The following CSMD3 variants were observed in gnomAD, a reference collection of about 807,000 sequenced individuals.
The protein encoded by CSMD3 is CUB and sushi domain-containing protein 3.
In CSMD3, 177 loss-of-function variants were observed where a neutral mutation model predicts 435.2. The ratio of observed to expected loss-of-function variants is 0.41; its 90% CI spans 0.36 to 0.46. The LOEUF (loss-of-function observed/expected upper bound fraction) is 0.46. Ranked by LOEUF, CSMD3 falls within the 20% of genes least tolerant of loss-of-function variation. CSMD3 has a pLI of 0.34. For missense variants in CSMD3, 4,265 were observed against 4,504.6 expected (o/e 0.95, Z 1.52); for synonymous variants, 1,656 against 1,520.5 (o/e 1.09, Z -2.07).
intron 38 of CSMD3, among the ~76,000 whole-genome samples, chr8:112,358,803 T>C (rs976264110): frequency 6.6e-6 from 1 of 152,070 alleles, no homozygotes; most frequent in Non-Finnish European, 1.5e-5. Flanking sequence ...ACTAATACAA[T>C]TGCTATGCTG....
At chr8:113,086,370 C>A (rs961011615) in intron 5 of CSMD3, among the ~76,000 whole-genome samples, 1 of 151,918 alleles carries the variant, frequency 6.6e-6, no homozygotes, top group Non-Finnish European at 1.5e-5. Context: ...TAAACCATGA[C>A]GTTTTGTAAT....
At chr8:113,135,452 T>A (rs1167315630) in intron 4 of CSMD3, among the ~76,000 whole-genome samples, 4 of 151,796 alleles carry the variant, frequency 2.6e-5, no homozygotes, top group Non-Finnish European at 4.4e-5. Flanking sequence ...CTCCTACATA[T>A]GAGTTGACTG....
intron 3 of CSMD3, among the ~76,000 whole-genome samples, chr8:113,180,985 T>C (rs1287176761): frequency 1.3e-5 from 2 of 151,992 alleles, no homozygotes; most frequent in Non-Finnish European, 2.9e-5. Context: ...AGGTTCAGAG[T>C]TGCTAATCAA....
chr8:113,358,154 T>C (rs1242012397), intron 1 of CSMD3, among the ~76,000 whole-genome samples: 1 of 152,228 alleles, frequency 6.6e-6, no homozygotes, highest in African/African-American at 2.4e-5. Context: ...GGATATTATA[T>C]GCAAATAGCA....
At chr8:113,021,869 A>C (rs1248833833) in intron 5 of CSMD3, among the ~76,000 whole-genome samples, 1 of 152,152 alleles carries the variant, frequency 6.6e-6, no homozygotes. Flanking sequence ...GAAACTAAGA[A>C]GTATTCCTGA....
At position 112,223,281 on chromosome 8, in the gene CSMD3, G is replaced by A; in HGVS notation, c.*1490C>T. 2.7e-6 allele frequency: 1 copy of A among 374,804 alleles called. No homozygotes were observed. Among genetic ancestry groups the A allele is most frequent in the Non-Finnish European group, 4.8e-6 (1 of 210,228 alleles). The allele number at this position is 374,804 out of a possible 1,614,324, so 23.2% of individuals were successfully genotyped here. On this transcript the variant is annotated 3_prime_UTR_variant, in exon 71 of 71. Coordinates refer to ENST00000297405, the MANE Select transcript of CSMD3 (RefSeq NM_198123.2). ...GTGGTTTACAAGAAATTCATTAAAT[G>A]TTGTAGAGATAGAGCCAAGCAGCGC...
intron 17 of CSMD3, among the ~76,000 whole-genome samples, chr8:112,661,651 AT>A (rs1410394393): frequency 1.3e-5 from 2 of 152,158 alleles, no homozygotes; most frequent in Non-Finnish European, 2.9e-5. Context: ...CTTTGTGTTC[AT>A]AAAGCTTAAA....
intron 31 of CSMD3, among the ~76,000 whole-genome samples, chr8:112,489,040 A>G (rs1820420931): frequency 1.3e-5 from 2 of 152,282 alleles, no homozygotes; most frequent in African/African-American, 2.4e-5. Flanking sequence ...AAATTATCTT[A>G]AAAAAATAAA....
At chr8:112,465,420 C>T (rs73702885) in intron 32 of CSMD3, among the ~76,000 whole-genome samples, 4,132 of 152,170 alleles carry the variant, frequency 0.027, 94 homozygotes, top group African/African-American at 0.062. Flanking sequence ...AGCCTTACCT[C>T]GCTACCCATG....
chr8:112,739,395 G>A (rs2077254547), intron 13 of CSMD3, among the ~76,000 whole-genome samples: 1 of 151,678 alleles, frequency 6.6e-6, no homozygotes, highest in East Asian at 1.9e-4. Flanking sequence ...TCCTTATTAA[G>A]GCCATAAACC....
Position 113,069,263 on chromosome 8 carries a change from T to C in CSMD3, c.917+29493A>G, listed in dbSNP as rs545965193. Among the ~76,000 whole-genome samples, 15 of 152,218 alleles carry C rather than the reference T, an allele frequency of 9.9e-5. No homozygotes were observed. In the East Asian group the frequency reaches 2.9e-3, roughly 29 times the overall value. ...ATATGCCCACTCCATTCTATAGAAA[T>C]CCTTCTACAGTGAAGGAAACAAACA... On this transcript the variant is annotated intron_variant, in intron 5 of 70. Transcript: ENST00000297405.
At chr8:112,451,006 AT>A (rs1343549657) in intron 32 of CSMD3, among the ~76,000 whole-genome samples, 3 of 152,206 alleles carry the variant, frequency 2.0e-5, no homozygotes, top group African/African-American at 7.2e-5. Context: ...AATGTCTAGC[AT>A]TATAGAAATG....
intron 33 of CSMD3, among the ~76,000 whole-genome samples, chr8:112,408,698 A>G (rs1053594765): frequency 2.0e-5 from 3 of 151,912 alleles, no homozygotes; most frequent in African/African-American, 7.3e-5. Flanking sequence ...GTGATTAAAT[A>G]TATTATTTAC....
intron 32 of CSMD3, among the ~76,000 whole-genome samples, chr8:112,417,392 G>A (rs1812027220): frequency 1.3e-5 from 2 of 152,080 alleles, no homozygotes; most frequent in Non-Finnish European, 2.9e-5. Context: ...ATTAATACTT[G>A]TAAAACATTT....
At chr8:112,713,121 A>G (rs570691615) in intron 13 of CSMD3, among the ~76,000 whole-genome samples, 4 of 152,150 alleles carry the variant, frequency 2.6e-5, no homozygotes, top group African/African-American at 9.6e-5. Context: ...AGTGTGGTGC[A>G]GCAGCCCACC....
rs563034405 is a variant in CSMD3, at chr8:112,990,851, G to C, written c.1031-14703C>G. Among the ~76,000 whole-genome samples, 5 of 151,940 alleles carry C rather than the reference G, an allele frequency of 3.3e-5. No individual in the cohort carries two copies. In the South Asian group the frequency reaches 8.3e-4, roughly 25 times the overall value. On this transcript the variant is annotated intron_variant, in intron 6 of 70. Transcript: ENST00000297405. Reference sequence around the variant, plus strand: ...CAGTCCTCCAACTCCACTCACTGTAGTTACCACTACATTTCTCTCTTCCCT... The same window carrying C: ...CAGTCCTCCAACTCCACTCACTGTACTTACCACTACATTTCTCTCTTCCCT...
intron 59 of CSMD3, among the ~76,000 whole-genome samples, chr8:112,266,024 C>T (rs1050933885): frequency 1.3e-5 from 2 of 152,050 alleles, no homozygotes; most frequent in Non-Finnish European, 2.9e-5. Context: ...TCTGCAGTGT[C>T]ACTCAGAAAG....
chr8:112,552,621 A>G lies in CSMD3; in HGVS notation c.4334T>C (p.Ile1445Thr). Reference protein sequence around the residue: ...YDNNLRCMWMIEVDPGNIVSL... With the variant: ...YDNNLRCMWMTEVDPGNIVSL... ...GACAATATTTCCAGGATCTACCTCA[A>G]TCATCCACATGCAACGCAGGTTATT... The change falls in exon 26 of 71, where the codon ATT (isoleucine) becomes ACT (threonine). Residue 1445 changes from isoleucine (I) to threonine (T), a missense_variant. Ile to Thr is a moderately conservative substitution (Grantham distance 89). Around this residue, in one of 3 missense-constraint regions of CSMD3, gnomAD observed 3,255 missense variants for 3,380.2 expected, o/e 0.96. Transcript: ENST00000297405. The G allele has an allele frequency of 6.2e-7, 1 of 1,612,308 alleles. No homozygotes were observed.
At chr8:113,349,993 G>A (rs758500723) in intron 1 of CSMD3, among the ~76,000 whole-genome samples, 1 of 151,902 alleles carries the variant, frequency 6.6e-6, no homozygotes, top group African/African-American at 2.4e-5. Flanking sequence ...TCCAATTATG[G>A]TCTTAAGAGT....
Sources: gnomAD v4.1 joint callset for allele counts (sites outside exome capture counted in the v4.1 genomes callset) on GRCh38, gnomAD v4.1.1 for gene constraint, gnomAD v4.1.1 regional missense constraint, MANE v1.5 for transcripts, NCBI Gene and HGNC (gene_info 2026-07-23, HGNC 2026-07-21) for gene names.